PSMA1: variants seen among roughly 807,000 people sequenced by gnomAD.
PSMA1 encodes proteasome subunit alpha type-1.
Under a neutral mutation model 38.4 loss-of-function variants are expected in PSMA1, and 3 were observed. The observed-to-expected ratio is 0.08, with a 90% CI of 0.04 to 0.20. The LOEUF (loss-of-function observed/expected upper bound fraction) is 0.20. Among genes scored for constraint, PSMA1 ranks in the 10% least tolerant of loss-of-function variants. The pLI is 1.00. For synonymous variants in PSMA1, 101 were observed against 107.1 expected, an observed-to-expected ratio of 0.94 and a Z score of 0.35; for missense variants, 227 against 325.3, an observed-to-expected ratio of 0.70 and a Z score of 2.32.
intron 2 of PSMA1, among the ~76,000 whole-genome samples, chr11:14,602,352 T>C (rs1466568706): frequency 6.6e-6 from 1 of 152,170 alleles, no homozygotes; most frequent in East Asian, 1.9e-4. Flanking sequence ...TTTGGGACAT[T>C]TGTTTGGGAG....
chr11:14,589,575 T>G (rs749436323), intron 2 of PSMA1, among the ~76,000 whole-genome samples: 1 of 152,160 alleles, frequency 6.6e-6, no homozygotes, highest in Middle Eastern at 3.4e-3. Context: ...ACACACCGTA[T>G]AGAAAGAGCA....
At chr11:14,638,206 C>T (rs1197362980) in intron 1 of PSMA1, among the ~76,000 whole-genome samples, 2 of 152,084 alleles carry the variant, frequency 1.3e-5, no homozygotes, top group Non-Finnish European at 2.9e-5. Flanking sequence ...TCCTTCACAT[C>T]GTGCTACCTG....
At chr11:14,621,883 T>C (rs1047264684) in intron 1 of PSMA1, among the ~76,000 whole-genome samples, 2 of 152,202 alleles carry the variant, frequency 1.3e-5, no homozygotes. Context: ...ATTGATAAGA[T>C]TTACTGAATG....
intron 1 of PSMA1, among the ~76,000 whole-genome samples, chr11:14,627,792 T>A (rs1022574267): frequency 6.6e-6 from 1 of 152,218 alleles, no homozygotes; most frequent in Admixed American, 6.5e-5. Flanking sequence ...ATGAACACTT[T>A]CATTTTTATG....
At chr11:14,623,779 CTCCCA>C (rs1239095065) in intron 1 of PSMA1, among the ~76,000 whole-genome samples, 2 of 152,202 alleles carry the variant, frequency 1.3e-5, no homozygotes, top group African/African-American at 4.8e-5. Context: ...GAGCATGGAC[CTCCCA>C]TCACCAAAGC....
chr11:14,588,547 T>TAA (rs961735694), intron 2 of PSMA1, among the ~76,000 whole-genome samples: 2 of 152,184 alleles, frequency 1.3e-5, no homozygotes, highest in African/African-American at 4.8e-5. Flanking sequence ...ATCAAGTTCT[T>TAA]ACTATAGTCC....
chr11:14,518,864 A>G, intron 2 of PSMA1, 133 bp downstream of exon 2: 2 of 718,890 alleles, frequency 2.8e-6, no homozygotes, highest in Non-Finnish European at 4.5e-6. Context: ...TATTTTAATT[A>G]TAAATGCAAC....
chr11:14,620,762 C>A (rs1253854853), intron 1 of PSMA1, among the ~76,000 whole-genome samples: 3 of 152,198 alleles, frequency 2.0e-5, no homozygotes, highest in African/African-American at 7.2e-5. Flanking sequence ...TCTTGTCCAA[C>A]AACCCACTTC....
At chr11:14,560,644 C>A (rs1851997794) in intron 2 of PSMA1, among the ~76,000 whole-genome samples, 1 of 152,162 alleles carries the variant, frequency 6.6e-6, no homozygotes, top group South Asian at 2.1e-4. Context: ...GTAAGCAGGG[C>A]CCAGGGCCAC....
intron 2 of PSMA1, among the ~76,000 whole-genome samples, chr11:14,531,399 G>C (rs1445760051): frequency 6.6e-6 from 1 of 152,122 alleles, no homozygotes; most frequent in Non-Finnish European, 1.5e-5. Flanking sequence ...CTGTTCCTGT[G>C]TTAGTTCACT....
intron 1 of PSMA1, among the ~76,000 whole-genome samples, chr11:14,618,984 T>C (rs200263595): frequency 1.3e-5 from 2 of 152,206 alleles, no homozygotes; most frequent in African/African-American, 4.8e-5. Context: ...TATTTCTGCC[T>C]CCACAGCCAT....
At chr11:14,578,643 G>C (rs1400062300) in intron 2 of PSMA1, among the ~76,000 whole-genome samples, 3 of 152,168 alleles carry the variant, frequency 2.0e-5, no homozygotes, top group Non-Finnish European at 4.4e-5. Flanking sequence ...AAAGCAGTCT[G>C]GCTGAAACCA....
At chr11:14,569,482 G>A (rs1451626674) in intron 2 of PSMA1, among the ~76,000 whole-genome samples, 1 of 152,140 alleles carries the variant, frequency 6.6e-6, no homozygotes, top group Admixed American at 6.5e-5. Flanking sequence ...ATGACAGACG[G>A]TACCTGGAAA....
At chr11:14,521,786 C>A (rs866086164), upstream of PSMA1, among the ~76,000 whole-genome samples, 2,668 of 121,234 alleles carry the variant, frequency 0.022, 100 homozygotes, top group African/African-American at 0.07. Context: ...AAACAAAAAA[C>A]AAAGTACTAA....
intron 2 of PSMA1, among the ~76,000 whole-genome samples, chr11:14,581,747 G>A (rs1480454270): frequency 2.0e-5 from 3 of 152,172 alleles, no homozygotes; most frequent in Non-Finnish European, 4.4e-5. Context: ...AGTAACTTCA[G>A]TATTGTTTCA....
intron 2 of PSMA1, among the ~76,000 whole-genome samples, chr11:14,543,941 A>G (rs1851798865): frequency 6.6e-6 from 1 of 152,222 alleles, no homozygotes; most frequent in South Asian, 2.1e-4. Flanking sequence ...CGGCATATTC[A>G]CAGAGTTGTA....
At chr11:14,632,526 C>G (rs11023288) in intron 1 of PSMA1, among the ~76,000 whole-genome samples, 3 of 145,874 alleles carry the variant, frequency 2.1e-5, no homozygotes, top group African/African-American at 8.0e-5. Context: ...GGGTTTCTGC[C>G]GAGAGATCCG....
Position 14,513,478 on chromosome 11 carries a change from A to G in PSMA1, c.544+92T>C, listed in dbSNP as rs193105591. ...TAAAAAAATTCTTTCTATAAGACTT[A>G]CAGTTTTATGCATTTAGGATACTAT... On this transcript the variant is annotated intron_variant, in intron 7 of 9. Coordinates refer to ENST00000396394, the MANE Select transcript of PSMA1 (RefSeq NM_002786.4). 7.3e-3 allele frequency: 8,859 copies of G among 1,218,092 alleles called. 48 individuals are homozygous for G. The highest frequency in any genetic ancestry group is 8.6e-3 in the Non-Finnish European group (8,259 of 955,730). 75.5% of individuals were successfully genotyped at this position (1,218,092 alleles called of 1,614,324 possible).
intron 7 of PSMA1, 21 bp downstream of exon 7, chr11:14,513,549 A>AC: frequency 6.9e-7 from 1 of 1,439,106 alleles, no homozygotes; most frequent in South Asian, 1.7e-5. Context: ...AAAAAAAAAA[A>AC]AAAGCAAGGC....
Sources: allele counts gnomAD v4.1 joint callset (sites outside exome capture counted in the v4.1 genomes callset), GRCh38; gene constraint gnomAD v4.1.1; transcripts MANE v1.5; gene names NCBI Gene and HGNC (gene_info 2026-07-23, HGNC 2026-07-21).